Variants in ENTREP2 observed in about 807,000 individuals in gnomAD.
The protein encoded by ENTREP2 is endosomal transmembrane epsin interactor 2.
chr15:29,216,888 C>T, the ENTREP2 span, among the ~76,000 whole-genome samples: 2 of 152,176 alleles, frequency 1.3e-5, no homozygotes, highest in Non-Finnish European at 2.9e-5. Flanking sequence ...AAAAACACCA[C>T]ACTTTGAGAC....
the ENTREP2 span, chr15:29,195,185 T>C: frequency 1.0e-6 from 1 of 985,412 alleles, no homozygotes; most frequent in Admixed American, 6.1e-5. Context: ...TCTGTCACTC[T>C]GGTGAGCTGC....
At chr15:29,473,444 G>A in the ENTREP2 span, among the ~76,000 whole-genome samples, 1 of 152,216 alleles carries the variant, frequency 6.6e-6, no homozygotes, top group Non-Finnish European at 1.5e-5. Context: ...GACCCAGCAT[G>A]CCTGGATCTT....
At chr15:29,476,414 G>A in the ENTREP2 span, among the ~76,000 whole-genome samples, 66 of 152,292 alleles carry the variant, frequency 4.3e-4, no homozygotes, top group African/African-American at 1.5e-3. Flanking sequence ...GCTAAAGTGG[G>A]AGGAGAAAAT....
chr15:29,351,012 T>G, the ENTREP2 span, among the ~76,000 whole-genome samples: 20 of 152,306 alleles, frequency 1.3e-4, no homozygotes, highest in South Asian at 3.9e-3. Flanking sequence ...AACACATCAA[T>G]GCAGTCACAA....
chr15:29,362,991 A>G, the ENTREP2 span, among the ~76,000 whole-genome samples: 1 of 152,160 alleles, frequency 6.6e-6, no homozygotes, highest in Non-Finnish European at 1.5e-5. Flanking sequence ...GTATTAGTCC[A>G]TTTTCATAAA....
the ENTREP2 span, among the ~76,000 whole-genome samples, chr15:29,618,598 C>A: frequency 6.6e-6 from 1 of 152,272 alleles, no homozygotes; most frequent in Non-Finnish European, 1.5e-5. Flanking sequence ...TTGCTATGTT[C>A]TTCTTACAAA....
At chr15:29,283,179 G>C in the ENTREP2 span, among the ~76,000 whole-genome samples, 1 of 152,164 alleles carries the variant, frequency 6.6e-6, no homozygotes, top group African/African-American at 2.4e-5. Context: ...CAGATGAGAG[G>C]GAGCCTGTCC....
At chr15:29,218,655 A>G in the ENTREP2 span, among the ~76,000 whole-genome samples, 1 of 152,216 alleles carries the variant, frequency 6.6e-6, no homozygotes, top group Non-Finnish European at 1.5e-5. Flanking sequence ...ACCCAGAAAT[A>G]AGCCCAAATA....
the ENTREP2 span, among the ~76,000 whole-genome samples, chr15:29,329,233 G>C: frequency 6.6e-6 from 1 of 151,884 alleles, no homozygotes; most frequent in East Asian, 1.9e-4. Context: ...CATGGTGGCA[G>C]GTGCCTGTAG....
chr15:29,473,685 C>T, the ENTREP2 span, among the ~76,000 whole-genome samples: 5 of 152,304 alleles, frequency 3.3e-5, no homozygotes, highest in South Asian at 2.1e-4. Context: ...GTCAGAAAGA[C>T]GTCTACTCTA....
At chr15:29,595,948 G>A in the ENTREP2 span, among the ~76,000 whole-genome samples, 1 of 152,020 alleles carries the variant, frequency 6.6e-6, no homozygotes, top group Non-Finnish European at 1.5e-5. Flanking sequence ...ACTAAAAGAT[G>A]CTCCCGGCTT....
At chr15:29,207,968 T>C in the ENTREP2 span, among the ~76,000 whole-genome samples, 1 of 152,124 alleles carries the variant, frequency 6.6e-6, no homozygotes, top group South Asian at 2.1e-4. Flanking sequence ...CACCCCACCT[T>C]CCCTGCCAAG....
chr15:29,295,595 A>G, the ENTREP2 span, among the ~76,000 whole-genome samples: 4 of 152,206 alleles, frequency 2.6e-5, no homozygotes, highest in African/African-American at 7.2e-5. Context: ...AAATAAGAGA[A>G]TAACAATAGC....
At chr15:29,615,215 G>A in the ENTREP2 span, among the ~76,000 whole-genome samples, 4 of 151,260 alleles carry the variant, frequency 2.6e-5, no homozygotes, top group Admixed American at 6.6e-5. Context: ...GAGTGTAATG[G>A]TGCGATCTCA....
chr15:29,240,787 A>T, the ENTREP2 span, among the ~76,000 whole-genome samples: 1 of 152,158 alleles, frequency 6.6e-6, no homozygotes, highest in Non-Finnish European at 1.5e-5. Flanking sequence ...AAGGTCTCAG[A>T]TTCCCTACCT....
At chr15:29,565,285 G>A in the ENTREP2 span, among the ~76,000 whole-genome samples, 25 of 152,138 alleles carry the variant, frequency 1.6e-4, no homozygotes, top group Non-Finnish European at 5.9e-5. Flanking sequence ...AGGCTTCTGT[G>A]GGTGGATGTG....
chr15:29,300,087 AAATG>A, the ENTREP2 span, among the ~76,000 whole-genome samples: 2 of 146,724 alleles, frequency 1.4e-5, no homozygotes, highest in Non-Finnish European at 3.0e-5. Flanking sequence ...ATGGATGGGT[AAATG>A]AATGGATGGG....
chr15:29,279,908 A>G, the ENTREP2 span, among the ~76,000 whole-genome samples: 1 of 152,050 alleles, frequency 6.6e-6, no homozygotes, highest in African/African-American at 2.4e-5. Context: ...GGGCAACCCA[A>G]TTTCTTATCT....
the ENTREP2 span, among the ~76,000 whole-genome samples, chr15:29,350,519 G>C: frequency 2.6e-5 from 4 of 152,002 alleles, no homozygotes; most frequent in African/African-American, 9.7e-5. Flanking sequence ...CATTTACTTT[G>C]ATTAAGAATT....
Sources: gnomAD v4.1 joint callset for allele counts (sites outside exome capture counted in the v4.1 genomes callset) on GRCh38, gnomAD v4.1.1 for gene constraint, MANE v1.5 for transcripts, NCBI Gene and HGNC (gene_info 2026-07-23, HGNC 2026-07-21) for gene names.